Variants in FHIP1B observed in about 807,000 individuals in gnomAD.
FHIP1B encodes FHF complex subunit HOOK-interacting protein 1B.
In FHIP1B, 28 loss-of-function variants were observed where a neutral mutation model predicts 82.2. The observed-to-expected ratio is 0.34, with a 90% CI of 0.25 to 0.47. The LOEUF (loss-of-function observed/expected upper bound fraction) is 0.47. FHIP1B is among the 20% of genes least tolerant of loss of function. The pLI, the probability that FHIP1B is intolerant of heterozygous loss-of-function variation, is 1.00. For synonymous variants in FHIP1B, 585 were observed against 516.1 expected (o/e 1.13, Z -1.81); for missense variants, 1,110 against 1,262.6 (o/e 0.88, Z 1.83).
Position 6,223,024 on chromosome 11 carries a change from T to G in FHIP1B, c.936+56A>C. The G allele has an allele frequency of 6.4e-7, 1 of 1,573,006 alleles. No individual in the cohort carries two copies. Among genetic ancestry groups the G allele is most frequent in the Non-Finnish European group, 8.6e-7 (1 of 1,157,166 alleles). ...AAAAATGACAGAACTCCAGGGAATATACCCCCTCCTACCTAATCTCCCAAA... is the reference window on the plus strand; with the variant it reads ...AAAAATGACAGAACTCCAGGGAATAGACCCCCTCCTACCTAATCTCCCAAA... On this transcript the variant is annotated intron_variant, in intron 4 of 11. Transcript: ENST00000449352. The surrounding 1 kb of genome is among the most constrained non-coding windows in gnomAD (Gnocchi z 4.8).
chr11:6,215,584 G>A (rs1847203610), intron 9 of FHIP1B, among the ~76,000 whole-genome samples: 1 of 152,220 alleles, frequency 6.6e-6, no homozygotes, highest in Non-Finnish European at 1.5e-5. Context: ...GACCAGAGAA[G>A]ACATCAGTTT....
rs1198925421 is a variant in FHIP1B, at chr11:6,224,036, A to G, written c.351T>C (p.Asp117=). 6.2e-7 allele frequency: 1 copy of G among 1,613,618 alleles called. No individual in the cohort carries two copies. Among genetic ancestry groups the G allele is most frequent in the East Asian group, 2.2e-5 (1 of 44,870 alleles). Residue 117 remains aspartate, a synonymous_variant, in exon 3 of 12, where the codon GAT becomes GAC. Coordinates refer to ENST00000449352, the MANE Select transcript of FHIP1B (RefSeq NM_001098794.2). ...TRVLTWQLQW[D]ELGDGVEERR... ...GTTCCTCGACCCCATCCCCAAGCTCATCCCATTGCAGCTGCCATGTCAACA... is the reference window on the plus strand; with the variant it reads ...GTTCCTCGACCCCATCCCCAAGCTCGTCCCATTGCAGCTGCCATGTCAACA...
At chr11:6,226,761 A>C (rs1334838711) in intron 1 of FHIP1B, among the ~76,000 whole-genome samples, 3 of 152,226 alleles carry the variant, frequency 2.0e-5, no homozygotes, top group African/African-American at 7.2e-5. Flanking sequence ...TATTATGCTA[A>C]GGAGTTTAGC....
At position 6,214,778 on chromosome 11, in the gene FHIP1B, G is replaced by C. The variant is rs751504570; in HGVS notation, c.2349C>G (p.Leu783=). 24 of 1,605,526 alleles carry C rather than the reference G, an allele frequency of 1.5e-5. No homozygotes were observed. The highest frequency in any genetic ancestry group is 1.9e-5 in the Non-Finnish European group (22 of 1,175,966). The part of the protein sequence containing the change: ...HPQPLLRSFL[L]NTNMVFQPSV... ...TGGGCTGGAAGACCATGTTGGTGTTGAGCAGGAAAGAGCGGAGCAGGGGCT... is the reference window on the plus strand; with the variant it reads ...TGGGCTGGAAGACCATGTTGGTGTTCAGCAGGAAAGAGCGGAGCAGGGGCT... Residue 783 remains leucine, a synonymous_variant, in exon 10 of 12, where the codon CTC becomes CTG. Coordinates refer to ENST00000449352, the MANE Select transcript of FHIP1B (RefSeq NM_001098794.2).
rs182144597 is a variant in FHIP1B at position 6,222,735 on chromosome 11, C to T, written c.1023+76G>A. On this transcript the variant is annotated intron_variant, in intron 5 of 11. Coordinates refer to ENST00000449352, the MANE Select transcript of FHIP1B (RefSeq NM_001098794.2). ...AAGGGAGGAGTACTCTACCCACCGC[C>T]TCCTACGTTAGTCCTGTCACTGAGG... 138 of 1,551,964 alleles carry T rather than the reference C, an allele frequency of 8.9e-5. 1 individual carries two copies. In the East Asian group the frequency reaches 2.7e-3, roughly 31 times the overall value.
chr11:6,231,987 G>C (rs1264145070), intron 1 of FHIP1B, among the ~76,000 whole-genome samples: 2 of 152,130 alleles, frequency 1.3e-5, no homozygotes, highest in Non-Finnish European at 1.5e-5. Flanking sequence ...AGTATTTGTT[G>C]AATGAATAAA....
At chr11:6,221,536 A>G (rs756610768) in intron 6 of FHIP1B, among the ~76,000 whole-genome samples, 1 of 151,944 alleles carries the variant, frequency 6.6e-6, no homozygotes, top group African/African-American at 2.4e-5. Flanking sequence ...GTCATGCATG[A>G]TCTGAATTTT....
chr11:6,216,942 C>T (rs1275843553), intron 9 of FHIP1B: 1 of 619,242 alleles, frequency 1.6e-6, no homozygotes. Flanking sequence ...AAGACCCAGA[C>T]AGATAAACTG....
At chr11:6,230,736 T>C (rs1847676278) in intron 1 of FHIP1B, among the ~76,000 whole-genome samples, 3 of 152,178 alleles carry the variant, frequency 2.0e-5, no homozygotes, top group Admixed American at 2.0e-4. Flanking sequence ...TTGACAGAGA[T>C]GTCAAAAAGG....
At chr11:6,214,300 A>G in intron 11 of FHIP1B, 111 bp downstream of exon 11, 1 of 1,296,322 alleles carries the variant, frequency 7.7e-7, no homozygotes, top group Non-Finnish European at 1.1e-6. Flanking sequence ...TCAATTTTCT[A>G]CAACTCACTA....
At chr11:6,220,422 A>G (rs1404395407) in intron 6 of FHIP1B, among the ~76,000 whole-genome samples, 1 of 152,232 alleles carries the variant, frequency 6.6e-6, no homozygotes, top group Non-Finnish European at 1.5e-5. Flanking sequence ...TATGACCTAC[A>G]AAACTGTAAG....
At chr11:6,216,760 A>G (rs1590610066) in intron 9 of FHIP1B, 2 of 421,658 alleles carry the variant, frequency 4.7e-6, no homozygotes, top group Admixed American at 4.1e-5. Flanking sequence ...TATCTGCTTA[A>G]GACAGTCTTA....
chr11:6,227,603 A>T (rs1306484953), intron 1 of FHIP1B, among the ~76,000 whole-genome samples: 1 of 152,248 alleles, frequency 6.6e-6, no homozygotes, highest in African/African-American at 2.4e-5. Flanking sequence ...CCAGAAAGCA[A>T]GTAGGAATAC....
chr11:6,227,366 A>G (rs530601481), intron 1 of FHIP1B, among the ~76,000 whole-genome samples: 1 of 152,376 alleles, frequency 6.6e-6, no homozygotes, highest in East Asian at 1.9e-4. Flanking sequence ...GCAAATGCAG[A>G]ATATCTGCCT....
chr11:6,219,233 G>T (rs576140330), intron 6 of FHIP1B, among the ~76,000 whole-genome samples, 183 bp from the exon 7 acceptor site: 2 of 152,298 alleles, frequency 1.3e-5, no homozygotes, highest in South Asian at 2.1e-4. Flanking sequence ...ATGATCACAC[G>T]ATCTTTGCGA....
rs773161858 is a variant in FHIP1B at position 6,222,579 on chromosome 11, C to T, written c.1054G>A (p.Ala352Thr). ...TSVEEMIAST[A>T]YLELFLRSIS... ...CTCCGTAGGAAAAGTTCCAGATAGG[C>T]GGTACTGGCGATCATCTCCTCCACA... is the stretch of plus-strand genomic sequence containing the variant. Residue 352 changes from alanine (A) to threonine (T), a missense_variant, in exon 6 of 12, where the codon GCC (alanine) becomes ACC (threonine). Physicochemically the swap from Ala to Thr is moderately conservative, Grantham distance 58. Around this residue, in one of 6 missense-constraint regions of FHIP1B, gnomAD observed 467 missense variants for 602.9 expected, o/e 0.77. Transcript: ENST00000449352. The T allele has an allele frequency of 4.3e-6, 7 of 1,614,004 alleles. No individual in the cohort carries two copies. The highest frequency in any genetic ancestry group is 3.3e-5 in the South Asian group (3 of 91,066).
At chr11:6,217,149 G>T in intron 9 of FHIP1B, 1 of 704,406 alleles carries the variant, frequency 1.4e-6, no homozygotes, top group Non-Finnish European at 2.6e-6. Flanking sequence ...AGGCTCAGAT[G>T]TAAGTCAATA....
chr11:6,217,996 G>T lies in FHIP1B; in HGVS notation c.1590C>A (p.Pro530=), dbSNP rs140222037. 827 of 1,613,500 alleles carry T rather than the reference G, an allele frequency of 5.1e-4. 5 individuals are homozygous for T. The African/African-American group carries it at 9.9e-3, about 19-fold the overall frequency. Residue 530 remains proline, a synonymous_variant, in exon 9 of 12, where the codon CCC becomes CCA. Transcript: ENST00000449352. Reference sequence around the variant, plus strand: ...TAGGCCGTCGGCCAGGGCTGGAGGCGGGGGATGCAGAAAGCCCTGGTGAGC... The same window carrying T: ...TAGGCCGTCGGCCAGGGCTGGAGGCTGGGGATGCAGAAAGCCCTGGTGAGC... ...APCSPGLSAS[P]ASSPGRRPTP... is the part of the protein sequence containing the mutation.
chr11:6,212,922 T>G (rs1459461516), intron 11 of FHIP1B, among the ~76,000 whole-genome samples: 1 of 152,210 alleles, frequency 6.6e-6, no homozygotes, highest in African/African-American at 2.4e-5. Context: ...TCATTCTACG[T>G]GAAATTTTAC....
Sources: allele counts gnomAD v4.1 joint callset (sites outside exome capture counted in the v4.1 genomes callset), GRCh38; gene constraint gnomAD v4.1.1; regional missense constraint gnomAD v4.1.1; non-coding constraint Gnocchi (gnomAD v3.1); transcripts MANE v1.5; gene names NCBI Gene and HGNC (gene_info 2026-07-23, HGNC 2026-07-21).